OXR1: variants seen among roughly 807,000 people sequenced by gnomAD.
The protein encoded by OXR1 is oxidation resistance 1.
Under a neutral mutation model 104.6 loss-of-function variants are expected in OXR1, and 41 were observed. The ratio of observed to expected loss-of-function variants is 0.39; its 90% CI spans 0.31 to 0.51. The LOEUF (loss-of-function observed/expected upper bound fraction) is 0.51. Ranked by LOEUF, OXR1 falls within the 20% of genes least tolerant of loss-of-function variation. OXR1 has a pLI of 0.77. For synonymous variants in OXR1, 348 were observed against 348.4 expected (o/e 1.00, Z 0.01); for missense variants, 955 against 1,031.9 (o/e 0.93, Z 1.02).
At chr8:106,657,549 C>T (rs2131057930) in intron 3 of OXR1, 1 of 153,014 alleles carries the variant, frequency 6.5e-6, no homozygotes, top group South Asian at 2.1e-4. Flanking sequence ...TCCTGAAAGT[C>T]CGGTCCGAGC....
chr8:106,310,312 T>C (rs927354189), intron 1 of OXR1, among the ~76,000 whole-genome samples: 2 of 151,526 alleles, frequency 1.3e-5, no homozygotes, highest in African/African-American at 2.4e-5. Context: ...TAAAATCAGG[T>C]ATTCTGTCAT....
At chr8:106,487,570 C>A (rs1810766315) in intron 2 of OXR1, among the ~76,000 whole-genome samples, 1 of 151,442 alleles carries the variant, frequency 6.6e-6, no homozygotes, top group South Asian at 2.1e-4. Flanking sequence ...CTATCCCTCC[C>A]CACCCCCCAA....
At chr8:106,291,944 C>G (rs1166654242) in intron 1 of OXR1, among the ~76,000 whole-genome samples, 1 of 152,150 alleles carries the variant, frequency 6.6e-6, no homozygotes, top group Admixed American at 6.6e-5. Flanking sequence ...CCCCCACCCC[C>G]CAACGGGTCC....
rs951960094 is a variant in OXR1 at position 106,658,247 on chromosome 8, G to A, written c.221-20963G>A. On this transcript the variant is annotated intron_variant, in intron 3 of 16. Transcript: ENST00000517566. ...CCTGGGCTGAGGGCTGTGGGGAGGC[G>A]GCGGTCGTGGCGCCGGGCGGGGGTC... 8 of 1,228,124 alleles carry A rather than the reference G, an allele frequency of 6.5e-6. No homozygotes were observed. In the African/African-American group the frequency reaches 1.2e-4, roughly 19 times the overall value. The allele number at this position is 1,228,124 out of a possible 1,614,324, so 76.1% of individuals were successfully genotyped here.
chr8:106,431,633 A>G (rs1346451349), intron 2 of OXR1, among the ~76,000 whole-genome samples: 1 of 152,174 alleles, frequency 6.6e-6, no homozygotes, highest in Non-Finnish European at 1.5e-5. Context: ...CCCAGGATAT[A>G]AACTCTATGA....
chr8:106,535,878 T>A (rs1207155476), intron 3 of OXR1, among the ~76,000 whole-genome samples: 1 of 152,144 alleles, frequency 6.6e-6, no homozygotes, highest in African/African-American at 2.4e-5. Context: ...TAATTCCTAA[T>A]GTGTGAACTA....
At chr8:106,566,492 A>G (rs1817085114) in intron 3 of OXR1, among the ~76,000 whole-genome samples, 1 of 152,216 alleles carries the variant, frequency 6.6e-6, no homozygotes, top group Non-Finnish European at 1.5e-5. Flanking sequence ...GAAAATGTGG[A>G]GAAATAGGAA....
rs549399176 is a variant in OXR1 at position 106,341,227 on chromosome 8, C to T, written c.-138-18249C>T. Among the ~76,000 whole-genome samples the T allele has an allele frequency of 2.6e-5, 4 of 152,056 alleles. No homozygotes were observed. In the South Asian group the frequency reaches 6.2e-4, roughly 24 times the overall value. ...CTACTATTTTCCAAATAAACGTGCTCATATATCTAAAACAACAGTAAATGC... is the reference window on the plus strand; with the variant it reads ...CTACTATTTTCCAAATAAACGTGCTTATATATCTAAAACAACAGTAAATGC... On this transcript the variant is annotated intron_variant, in intron 1 of 16. Transcript: ENST00000517566.
intron 2 of OXR1, among the ~76,000 whole-genome samples, chr8:106,390,620 C>T (rs947535180): frequency 1.1e-4 from 17 of 152,132 alleles, no homozygotes; most frequent in African/African-American, 3.4e-4. Context: ...AAGTATTGCA[C>T]ATACAGTATC....
At chr8:106,708,678 G>T (rs1168354833) in intron 9 of OXR1, among the ~76,000 whole-genome samples, 1 of 152,084 alleles carries the variant, frequency 6.6e-6, no homozygotes, top group Non-Finnish European at 1.5e-5. Context: ...ATTTGTTGCT[G>T]GACATTTTGG....
At chr8:106,286,373 GTT>G (rs3044299) in intron 1 of OXR1, among the ~76,000 whole-genome samples, 63,099 of 137,986 alleles carry the variant, frequency 0.46, 14,138 homozygotes, top group African/African-American at 0.57. Flanking sequence ...TTAAGTTAGG[GTT>G]TTTTTTTTTT....
chr8:106,503,380 G>A (rs1811936379), intron 2 of OXR1, among the ~76,000 whole-genome samples: 1 of 152,138 alleles, frequency 6.6e-6, no homozygotes, highest in Non-Finnish European at 1.5e-5. Context: ...ACCAAATAAA[G>A]CCTTGAAAAG....
Position 106,669,993 on chromosome 8 carries a change from CTG to C in OXR1, c.221-9216_221-9215del, listed in dbSNP as rs1211735153. Among the ~76,000 whole-genome samples, 3 of 152,122 alleles carry C rather than the reference CTG, an allele frequency of 2.0e-5. No homozygotes were observed. In the East Asian group the frequency reaches 5.8e-4, roughly 29 times the overall value. The stretch of plus-strand genomic sequence containing the variant: ...CTAAGTGGTATGGGTAGGATAGGAT[CTG>C]AATGAGGACAAAGGTCTAAGGAGGG... On this transcript the variant is annotated intron_variant, in intron 3 of 16. Transcript: ENST00000517566.
intron 3 of OXR1, among the ~76,000 whole-genome samples, chr8:106,542,789 G>GA (rs1387790759): frequency 1.3e-5 from 2 of 151,730 alleles, no homozygotes; most frequent in Admixed American, 6.6e-5. Flanking sequence ...GTCATGAGAA[G>GA]AAAAAAAATT....
intron 2 of OXR1, among the ~76,000 whole-genome samples, chr8:106,420,455 T>C (rs1156907929): frequency 6.6e-6 from 1 of 151,964 alleles, no homozygotes; most frequent in African/African-American, 2.4e-5. Context: ...TGTCATTAAG[T>C]AAATAAGTGA....
intron 2 of OXR1, among the ~76,000 whole-genome samples, chr8:106,365,811 C>T (rs1378029581): frequency 1.3e-5 from 2 of 152,046 alleles, no homozygotes; most frequent in Admixed American, 6.6e-5. Context: ...TTTGAATAGT[C>T]AAATAATTAG....
chr8:106,748,865 C>T (rs972160525), intron 16 of OXR1, among the ~76,000 whole-genome samples: 14 of 151,842 alleles, frequency 9.2e-5, no homozygotes, highest in Non-Finnish European at 1.0e-4. Flanking sequence ...GCACTGCACC[C>T]GGCCCCAACT....
intron 3 of OXR1, among the ~76,000 whole-genome samples, chr8:106,560,693 A>C (rs1212921299): frequency 6.6e-6 from 1 of 152,194 alleles, no homozygotes; most frequent in Non-Finnish European, 1.5e-5. Flanking sequence ...ATTTTTACAC[A>C]ATATGCTACA....
intron 2 of OXR1, among the ~76,000 whole-genome samples, chr8:106,456,045 C>A (rs926083014): frequency 6.6e-5 from 10 of 152,024 alleles, no homozygotes; most frequent in Non-Finnish European, 1.3e-4. Flanking sequence ...ATAACTTTTC[C>A]TTTGAATAGA....
Sources: allele counts gnomAD v4.1 joint callset (sites outside exome capture counted in the v4.1 genomes callset), GRCh38; gene constraint gnomAD v4.1.1; transcripts MANE v1.5; gene names NCBI Gene and HGNC (gene_info 2026-07-23, HGNC 2026-07-21).